OLFM1: variants seen among roughly 807,000 people sequenced by gnomAD.
The protein encoded by OLFM1 is olfactomedin 1.
A neutral mutation model predicts 49.7 loss-of-function variants in OLFM1; 9 were observed. That is an observed-to-expected ratio of 0.18 (90% CI 0.11 to 0.32). OLFM1 has a LOEUF of 0.32. Among genes scored for constraint, OLFM1 ranks in the 10% least tolerant of loss-of-function variants. The pLI is 1.00. For synonymous variants in OLFM1, 240 were observed against 271.8 expected (o/e 0.88, Z 1.15); for missense variants, 369 against 661.8 (o/e 0.56, Z 4.85).
chr9:135,119,285 T>C (rs1831151356), intron 5 of OLFM1, among the ~76,000 whole-genome samples: 1 of 134,582 alleles, frequency 7.4e-6, no homozygotes, highest in South Asian at 2.3e-4. Context: ...CACTTGGTCT[T>C]TGGAGTACTC....
chr9:135,095,834 G>A, intron 2 of OLFM1, 30 bp from the exon 3 acceptor site: 1 of 1,609,730 alleles, frequency 6.2e-7, no homozygotes, highest in Non-Finnish European at 8.5e-7. Flanking sequence ...TACTGCGGCT[G>A]TTTTGCTGAA....
chr9:135,087,831 G>T lies in OLFM1; in HGVS notation c.-159G>T. On this transcript the variant is annotated 5_prime_UTR_variant, in exon 1 of 6. Coordinates refer to ENST00000371793, the MANE Select transcript of OLFM1 (RefSeq NM_001282611.2). ...GAAGGCGCGGCGATGGCCGGGGCGC[G>T]CGGGGCGGCGGCGGCGGCGGGCGGG... The T allele has an allele frequency of 3.3e-6, 3 of 916,132 alleles. No homozygotes were observed. The highest frequency in any genetic ancestry group is 3.9e-6 in the Non-Finnish European group (3 of 769,390). The allele number at this position is 916,132 out of a possible 1,614,324, so 56.8% of individuals were successfully genotyped here. A position where few individuals can be genotyped will look rare whatever the true frequency, so the allele number is the denominator to read the frequency against.
At chr9:135,102,489 C>T (rs898469906) in intron 4 of OLFM1, among the ~76,000 whole-genome samples, 7 of 152,170 alleles carry the variant, frequency 4.6e-5, no homozygotes, top group African/African-American at 9.7e-5. Context: ...GGGGCCCGGG[C>T]GGCCAGGGCT....
intron 2 of OLFM1, among the ~76,000 whole-genome samples, chr9:135,094,010 A>G (rs1363663150): frequency 6.6e-6 from 1 of 152,220 alleles, no homozygotes; most frequent in Non-Finnish European, 1.5e-5. Context: ...AAAAGCCTAC[A>G]GCACCGTGTG....
chr9:135,091,201 G>A (rs2119104250), intron 2 of OLFM1, among the ~76,000 whole-genome samples: 1 of 152,332 alleles, frequency 6.6e-6, no homozygotes, highest in Admixed American at 6.5e-5. Flanking sequence ...AATGGGCACA[G>A]CCCACCAGCC....
chr9:135,076,050 T>A, intron 1 of OLFM1: 5 of 1,448,450 alleles, frequency 3.5e-6, no homozygotes, highest in Non-Finnish European at 4.6e-6. Context: ...TGCCCCCTTT[T>A]TCCTAGGACT....
chr9:135,097,959 G>A (rs989750952), intron 3 of OLFM1: 18 of 1,437,728 alleles, frequency 1.3e-5, no homozygotes, highest in East Asian at 2.5e-5. Context: ...CTTTGCATGC[G>A]ACTGTAGCTG....
chr9:135,086,422 G>A (rs151066812), upstream of OLFM1: 440 of 361,910 alleles, frequency 1.2e-3, 1 homozygote, highest in Middle Eastern at 3.0e-3. Context: ...TGCGCACACA[G>A]AGAGAAAAGC....
chr9:135,115,328 C>G lies in OLFM1; in HGVS notation c.784-4176C>G, dbSNP rs979564011. The stretch of plus-strand genomic sequence containing the variant: ...GAGGGAGGAGGCCGGCGAAGCCTTA[C>G]CTGGCCAGGCCCCACTTCCCCAGCA... On this transcript the variant is annotated intron_variant, in intron 5 of 5. Coordinates refer to ENST00000371793, the MANE Select transcript of OLFM1 (RefSeq NM_001282611.2). Among the ~76,000 whole-genome samples, 4 of 152,328 alleles carry G rather than the reference C, an allele frequency of 2.6e-5. No individual in the cohort carries two copies. In the East Asian group the frequency reaches 5.8e-4, roughly 22 times the overall value.
intron 1 of OLFM1, chr9:135,076,944 A>T (rs1564264447): frequency 3.9e-6 from 6 of 1,550,610 alleles, no homozygotes; most frequent in Non-Finnish European, 5.2e-6. Context: ...TCTGCCCAGG[A>T]TGTGCAGTCC....
At chr9:135,103,787 G>A (rs1490839426) in intron 4 of OLFM1, among the ~76,000 whole-genome samples, 2 of 152,166 alleles carry the variant, frequency 1.3e-5, no homozygotes, top group Non-Finnish European at 2.9e-5. Flanking sequence ...CTCTGACTCT[G>A]TGGCAGGTGC....
chr9:135,086,420 CAG>C (rs1287123200), upstream of OLFM1: 4 of 361,848 alleles, frequency 1.1e-5, no homozygotes, highest in African/African-American at 8.5e-5. Context: ...ACTGCGCACA[CAG>C]AGAGAAAAGC....
intron 5 of OLFM1, among the ~76,000 whole-genome samples, chr9:135,109,024 T>G (rs1313564906): frequency 6.6e-6 from 1 of 151,922 alleles, no homozygotes; most frequent in Non-Finnish European, 1.5e-5. Flanking sequence ...CTGACCACAT[T>G]GAGATCTGTG....
intron 3 of OLFM1, among the ~76,000 whole-genome samples, chr9:135,096,721 T>A (rs1830803681): frequency 6.6e-6 from 1 of 152,234 alleles, no homozygotes; most frequent in South Asian, 2.1e-4. Flanking sequence ...ATTAGCTGAA[T>A]TGATGAGGGC....
Position 135,092,917 on chromosome 9 carries a change from G to A in OLFM1, c.300+2573G>A, listed in dbSNP as rs184974218. Among the ~76,000 whole-genome samples the A allele has an allele frequency of 2.2e-4, 34 of 152,300 alleles. No individual in the cohort carries two copies. The South Asian group carries it at 2.7e-3, about 12-fold the overall frequency. ...TCCTCAGCTTCCCCCGCACACCCTGGCCTGTGTGCTATTTTCTTTCTTTCC... is the reference window on the plus strand; with the variant it reads ...TCCTCAGCTTCCCCCGCACACCCTGACCTGTGTGCTATTTTCTTTCTTTCC... On this transcript the variant is annotated intron_variant, in intron 2 of 5. Coordinates refer to ENST00000371793, the MANE Select transcript of OLFM1 (RefSeq NM_001282611.2).
rs1343521934 is a variant in OLFM1 at position 135,121,053 on chromosome 9, CT to C, written c.*876del. The C allele has an allele frequency of 1.3e-5, 2 of 152,376 alleles. No homozygotes were observed. Among genetic ancestry groups the C allele is most frequent in the African/African-American group, 2.4e-5 (1 of 41,422 alleles). 9.4% of individuals were successfully genotyped at this position (152,376 alleles called of 1,614,324 possible). On this transcript the variant is annotated 3_prime_UTR_variant, in exon 6 of 6. Transcript: ENST00000371793. ...TAGGAAGGGCTCGCCTGGGGAAACT[CT>C]GGTTTCCGATGGGACAGGAAAGTCA... is the stretch of plus-strand genomic sequence containing the variant.
At chr9:135,091,604 CATAG>C (rs1830693991) in intron 2 of OLFM1, among the ~76,000 whole-genome samples, 1 of 150,710 alleles carries the variant, frequency 6.6e-6, no homozygotes, top group African/African-American at 2.5e-5. Context: ...CACACTCACA[CATAG>C]TCACACAGTC....
chr9:135,118,853 GGGTCTTTGGAGTGCT>G (rs1450175092), intron 5 of OLFM1, among the ~76,000 whole-genome samples: 79 of 150,334 alleles, frequency 5.3e-4, no homozygotes, highest in African/African-American at 1.8e-3. Flanking sequence ...AGTGCTCACC[GGGTCTTTGGAGTGCT>G]CACTGTGTCT....
rs565272644 is a variant in OLFM1 at position 135,113,082 on chromosome 9, C to T, written c.783+6227C>T. On this transcript the variant is annotated intron_variant, in intron 5 of 5. Coordinates refer to ENST00000371793, the MANE Select transcript of OLFM1 (RefSeq NM_001282611.2). The surrounding 1 kb of genome is among the most constrained non-coding windows in gnomAD (Gnocchi z 4.0). The stretch of plus-strand genomic sequence containing the variant: ...AGACCAGCGTGCACGCTTCCTAATG[C>T]ACAGAGCATGTGGCAGCTGGCACAG... Among the ~76,000 whole-genome samples, 7 of 152,284 alleles carry T rather than the reference C, an allele frequency of 4.6e-5. No homozygotes were observed. The highest frequency in any genetic ancestry group is 1.7e-4 in the African/African-American group (7 of 41,566).
Sources: gnomAD v4.1 joint callset for allele counts (sites outside exome capture counted in the v4.1 genomes callset) on GRCh38, gnomAD v4.1.1 for gene constraint, Gnocchi (gnomAD v3.1) non-coding constraint, MANE v1.5 for transcripts, NCBI Gene and HGNC (gene_info 2026-07-23, HGNC 2026-07-21) for gene names.